The following MUC17 variants were observed in gnomAD, a reference collection of about 807,000 sequenced individuals.
MUC17 encodes mucin-17.
In MUC17, 190 loss-of-function variants were observed where a neutral mutation model predicts 170.3. That is an observed-to-expected ratio of 1.12 (90% confidence interval 0.99 to 1.26). The LOEUF (loss-of-function observed/expected upper bound fraction) is 1.26. Ranked by LOEUF, MUC17 falls within the 50% of genes most tolerant of loss-of-function variation. The pLI, the probability that MUC17 is intolerant of heterozygous loss-of-function variation, is 0.00. For synonymous variants in MUC17, 2,325 were observed against 2,002.5 expected (o/e 1.16, Z -4.30); for missense variants, 6,415 against 5,530.0 (o/e 1.16, Z -5.08).
Position 101,051,977 on chromosome 7 carries a change from A to G in MUC17, c.13103+15A>G, listed in dbSNP as rs562644721. On this transcript the variant is annotated intron_variant, in intron 9 of 12. Coordinates refer to ENST00000306151, the MANE Select transcript of MUC17 (RefSeq NM_001040105.2). ...CCTCAGTGCCTGTGAGTGCTCCCCC[A>G]TCTCCTCCAGCCCAGCCCAGACGTC... The G allele has an allele frequency of 6.2e-7, 1 of 1,606,132 alleles. No homozygotes were observed. The highest frequency in any genetic ancestry group is 1.1e-5 in the South Asian group (1 of 90,410).
At position 101,037,716 on chromosome 7, in the gene MUC17, A is replaced by T. The variant is rs1562811881; in HGVS notation, c.6300A>T (p.Gly2100=). 1.9e-6 allele frequency: 3 copies of T among 1,613,092 alleles called. No homozygotes were observed. Among genetic ancestry groups the T allele is most frequent in the Non-Finnish European group, 2.5e-6 (3 of 1,179,778 alleles). The change falls in exon 3 of 13, where the codon GGA becomes GGT. Residue 2100 remains glycine, a synonymous_variant. Coordinates refer to ENST00000306151, the MANE Select transcript of MUC17 (RefSeq NM_001040105.2). ...SSMTISAPSE[G]SPLLTSIPLS... ...TGACAATCTCAGCTCCTAGTGAAGG[A>T]AGTCCTCTACTAACAAGTATACCTC...
chr7:101,036,135 T>A lies in MUC17; in HGVS notation c.4719T>A (p.Thr1573=). 3 of 1,613,044 alleles carry A rather than the reference T, an allele frequency of 1.9e-6. No individual in the cohort carries two copies. The highest frequency in any genetic ancestry group is 2.5e-6 in the Non-Finnish European group (3 of 1,179,352). The change falls in exon 3 of 13, where the codon ACT becomes ACA. Residue 1573 remains threonine (T), a synonymous_variant. Coordinates refer to ENST00000306151, the MANE Select transcript of MUC17 (RefSeq NM_001040105.2). ...MQTSTYSEGS[T]PLTSLPVSTM... is the part of the protein sequence containing the mutation. ...CCTCAACTTATAGTGAAGGAAGCACTCCACTAACAAGTTTGCCTGTCAGCA... is the reference window on the plus strand; with the variant it reads ...CCTCAACTTATAGTGAAGGAAGCACACCACTAACAAGTTTGCCTGTCAGCA...
rs1349211286 is a variant in MUC17 at position 101,041,782 on chromosome 7, G to A, written c.10366G>A (p.Gly3456Arg). 6.2e-7 allele frequency: 1 copy of A among 1,613,748 alleles called. No homozygotes were observed. The highest frequency in any genetic ancestry group is 8.5e-7 in the Non-Finnish European group (1 of 1,179,960). Residue 3456 changes from glycine (G) to arginine (R), a missense_variant, in exon 3 of 13, where the codon GGA becomes AGA. Transcript: ENST00000306151. ...TSLPTSTTSE[G>R]STPLSIMPLS... Reference sequence around the variant, plus strand: ...CTTGCCAACCTCAACTACTAGTGAAGGAAGCACTCCATTATCAATTATGCC... The same window carrying A: ...CTTGCCAACCTCAACTACTAGTGAAAGAAGCACTCCATTATCAATTATGCC...
chr7:101,049,229 G>A, intron 5 of MUC17, 95 bp from the exon 6 acceptor site: 2 of 1,542,206 alleles, frequency 1.3e-6, no homozygotes, highest in Non-Finnish European at 9.0e-7. Flanking sequence ...TGATGCTGCG[G>A]GACAGGATCA....
chr7:101,037,240 G>T lies in MUC17; in HGVS notation c.5824G>T (p.Glu1942Ter). 1 of 1,611,412 alleles carries T rather than the reference G, an allele frequency of 6.2e-7. No individual in the cohort carries two copies. The highest frequency in any genetic ancestry group is 8.5e-7 in the Non-Finnish European group (1 of 1,178,372). Residue 1942 changes from glutamate (E) to a stop codon, truncating the protein, a stop_gained, in exon 3 of 13, where the codon GAA (glutamate) becomes TAA (stop). Coordinates refer to ENST00000306151, the MANE Select transcript of MUC17 (RefSeq NM_001040105.2). LOFTEE classifies it high-confidence loss of function. ...CAGCACCACAACAGTGGCCAGTTCT[G>T]AAATCAACACCCTTTCAACAACTCT... ...PVSTTTVASSEINTLSTTLAD... is the reference protein window; with the variant it reads ...PVSTTTVASS
In MUC17 at chr7:101,041,763, A is replaced by C; in HGVS notation, c.10347A>C (p.Pro3449=). 1.2e-6 allele frequency: 2 copies of C among 1,613,674 alleles called. No homozygotes were observed. Among genetic ancestry groups the C allele is most frequent in the Non-Finnish European group, 1.7e-6 (2 of 1,179,936 alleles). Residue 3449 remains proline (P), a synonymous_variant, in exon 3 of 13, where the codon CCA becomes CCC. Coordinates refer to ENST00000306151, the MANE Select transcript of MUC17 (RefSeq NM_001040105.2). The part of the protein sequence containing the change: ...SPTIAEGTSL[P]TSTTSEGSTP... ...CAATCGCTGAAGGTACCAGCTTGCC[A>C]ACCTCAACTACTAGTGAAGGAAGCA...
chr7:101,053,492 T>G (rs1396513227), intron 11 of MUC17, 56 bp downstream of exon 11: 1 of 1,387,700 alleles, frequency 7.2e-7, no homozygotes, highest in African/African-American at 1.4e-5. Flanking sequence ...ACAGGCTGGG[T>G]GCGGTGGGCT....
At chr7:101,027,718 C>T (rs1562801245) in intron 1 of MUC17, among the ~76,000 whole-genome samples, 1 of 151,868 alleles carries the variant, frequency 6.6e-6, no homozygotes, top group African/African-American at 2.4e-5. Flanking sequence ...TTAGGGACTC[C>T]TATATATTAG....
At chr7:101,053,551 T>G (rs971439388) in intron 11 of MUC17, 115 bp downstream of exon 11, 2 of 724,884 alleles carry the variant, frequency 2.8e-6, no homozygotes, top group Non-Finnish European at 4.7e-6. Flanking sequence ...GAGTATTACT[T>G]GAGGCCAGGA....
In MUC17 at chr7:101,040,762, C is replaced by T; in HGVS notation, c.9346C>T (p.Pro3116Ser). ...AACAGGTGTGCCTGTCAGCACCACA[C>T]CGGTGACCAGTTCTGCAATCAGCAC... ...PLTGVPVSTT[P>S]VTSSAISTLS... Residue 3116 changes from proline (P) to serine (S), a missense_variant, in exon 3 of 13, where the codon CCG becomes TCG. Coordinates refer to ENST00000306151, the MANE Select transcript of MUC17 (RefSeq NM_001040105.2). 1 of 1,612,974 alleles carries T rather than the reference C, an allele frequency of 6.2e-7. No individual in the cohort carries two copies. The highest frequency in any genetic ancestry group is 8.5e-7 in the Non-Finnish European group (1 of 1,179,602).
chr7:101,033,903 T>G lies in MUC17; in HGVS notation c.2487T>G (p.Thr829=). The G allele has an allele frequency of 6.2e-7, 1 of 1,613,508 alleles. No homozygotes were observed. The highest frequency in any genetic ancestry group is 8.5e-7 in the Non-Finnish European group (1 of 1,179,702). Residue 829 remains threonine (T), a synonymous_variant, in exon 3 of 13, where the codon ACT becomes ACG. Coordinates refer to ENST00000306151, the MANE Select transcript of MUC17 (RefSeq NM_001040105.2). ...CTGAGGCTAGCACCCTTTCAACAAC[T>G]CCTGTTGACTCCAACAGTCCTGTGA... The part of the protein sequence containing the change: ...TSPEASTLST[T]PVDSNSPVTT...
chr7:101,037,863 C>A lies in MUC17; in HGVS notation c.6447C>A (p.Thr2149=). 2 of 1,610,912 alleles carry A rather than the reference C, an allele frequency of 1.2e-6. No homozygotes were observed. The highest frequency in any genetic ancestry group is 1.7e-6 in the Non-Finnish European group (2 of 1,178,210). The change falls in exon 3 of 13, where the codon ACC becomes ACA. Residue 2149 remains threonine (T), a synonymous_variant. Transcript: ENST00000306151. ...CATCTCCTATACCTACTGAAGGTAC[C>A]AGCATGCAAACCTCAACTTATAGTG... ...VSSSPIPTEG[T]SMQTSTYSDR... is the part of the protein sequence containing the mutation.
Position 101,036,188 on chromosome 7 carries a change from A to ACAC in MUC17, c.4774_4776dup (p.Thr1592dup). 1 of 1,611,990 alleles carries ACAC rather than the reference A, an allele frequency of 6.2e-7. No individual in the cohort carries two copies. The highest frequency in any genetic ancestry group is 8.5e-7 in the Non-Finnish European group (1 of 1,179,566). ...ATGCTGGTGGTCAGTTCTGAGGCTAACACCCTTTCAACAACCCCTATTGAC... is the reference window on the plus strand; with the variant it reads ...ATGCTGGTGGTCAGTTCTGAGGCTAACACCACCCTTTCAACAACCCCTATTGAC... On this transcript the variant is annotated inframe_insertion, in exon 3 of 13. Coordinates refer to ENST00000306151, the MANE Select transcript of MUC17 (RefSeq NM_001040105.2).
chr7:101,043,304 C>A lies in MUC17; in HGVS notation c.11888C>A (p.Thr3963Asn), dbSNP rs150349503. 2.6e-5 allele frequency: 42 copies of A among 1,614,052 alleles called. No individual in the cohort carries two copies. Among genetic ancestry groups the A allele is most frequent in the Non-Finnish European group, 3.1e-5 (36 of 1,180,044 alleles). The change falls in exon 3 of 13, where the codon ACC (threonine) becomes AAC (asparagine). Residue 3963 changes from threonine (T) to asparagine (N), a missense_variant. Thr to Asn is a moderately conservative substitution (Grantham distance 65, BLOSUM62 0). Transcript: ENST00000306151. ...VFPATTGAVS[T>N]PVITSTELNT... ...CCTGCAACAACTGGTGCTGTATCTA[C>A]CCCTGTGATAACTTCCACTGAACTA...
At position 101,031,730 on chromosome 7, in the gene MUC17, T is replaced by C; in HGVS notation, c.314T>C (p.Val105Ala). The change falls in exon 3 of 13, where the codon GTC becomes GCC. Residue 105 changes from valine to alanine, a missense_variant. Physicochemically the swap from Val to Ala is moderately conservative, Grantham distance 64. Transcript: ENST00000306151. ...ESSVTSDTPG[V>A]SSTRMTPTES... is the part of the protein sequence containing the mutation. ...AGTGTGACTTCAGACACTCCTGGTG[T>C]CTCCAGTACCAGGATGACACCAACA... is the stretch of plus-strand genomic sequence containing the variant. 1 of 1,607,580 alleles carries C rather than the reference T, an allele frequency of 6.2e-7. No individual in the cohort carries two copies. The highest frequency in any genetic ancestry group is 8.5e-7 in the Non-Finnish European group (1 of 1,174,062).
In MUC17 at chr7:101,058,359, G is replaced by A. The variant is rs901904626; in HGVS notation, c.*315G>A. 1.3e-4 allele frequency: 29 copies of A among 228,072 alleles called. No homozygotes were observed. The Admixed American group carries it at 1.3e-3, about 10-fold the overall frequency. The allele number at this position is 228,072 out of a possible 1,614,324, so 14.1% of individuals were successfully genotyped here. On this transcript the variant is annotated 3_prime_UTR_variant, in exon 13 of 13. Coordinates refer to ENST00000306151, the MANE Select transcript of MUC17 (RefSeq NM_001040105.2). The stretch of plus-strand genomic sequence containing the variant: ...CCCATTGATCGCCAGGATTGATTTG[G>A]TTGATCTGGCTGAGCAGGCGGGTGT...
At chr7:101,056,168 C>T (rs542420259) in intron 11 of MUC17, 26 bp from the exon 12 acceptor site, 63 of 1,613,288 alleles carry the variant, frequency 3.9e-5, no homozygotes, top group Non-Finnish European at 5.2e-5. Flanking sequence ...CTCCTGTTTC[C>T]ATGGTGCTTT....
rs71273403 is a variant in MUC17 at position 101,036,638 on chromosome 7, A to C, written c.5222A>C (p.Asn1741Thr). The change falls in exon 3 of 13, where the codon AAC becomes ACC. Residue 1741 changes from asparagine to threonine, a missense_variant. Coordinates refer to ENST00000306151, the MANE Select transcript of MUC17 (RefSeq NM_001040105.2). ...ACTTCTGAAGGTACCAGCATGCCAA[A>C]CTCAACTCCTAGTGAAGGAACCACT... ...PTTSEGTSMP[N>T]STPSEGTTPL... 1.4e-5 allele frequency: 22 copies of C among 1,590,160 alleles called. No individual in the cohort carries two copies. Among genetic ancestry groups the C allele is most frequent in the African/African-American group, 7.4e-5 (5 of 67,780 alleles).
At chr7:101,049,808 AG>A (rs1447778206) in intron 6 of MUC17, among the ~76,000 whole-genome samples, 1 of 152,080 alleles carries the variant, frequency 6.6e-6, no homozygotes, top group East Asian at 1.9e-4. Context: ...TCACATTCTG[AG>A]GTTCTGGAGG....
Sources: allele counts gnomAD v4.1 joint callset (sites outside exome capture counted in the v4.1 genomes callset), GRCh38; gene constraint gnomAD v4.1.1; transcripts MANE v1.5; gene names NCBI Gene and HGNC (gene_info 2026-07-23, HGNC 2026-07-21).